Variants in PACSIN1 observed in about 807,000 individuals in gnomAD.
PACSIN1 encodes protein kinase C and casein kinase substrate in neurons protein 1.
Under a neutral mutation model 59.5 loss-of-function variants are expected in PACSIN1, and 15 were observed. That is an observed-to-expected ratio of 0.25 (90% CI 0.17 to 0.39). PACSIN1 has a LOEUF of 0.39. Ranked by LOEUF, PACSIN1 falls within the 10% of genes least tolerant of loss-of-function variation. The pLI is 1.00. For missense variants in PACSIN1, 420 were observed against 580.2 expected, an observed-to-expected ratio of 0.72 and a Z score of 2.84; for synonymous variants, 210 against 220.6, an observed-to-expected ratio of 0.95 and a Z score of 0.42.
At chr6:34,528,998 C>T (rs1767539720) in intron 4 of PACSIN1, 121 bp downstream of exon 4, 1 of 751,056 alleles carries the variant, frequency 1.3e-6, no homozygotes, top group African/African-American at 1.7e-5. Flanking sequence ...ATTGTGCCCA[C>T]AGGGGAGCAG....
chr6:34,496,107 A>C (rs1441044905), intron 1 of PACSIN1, among the ~76,000 whole-genome samples: 2 of 152,194 alleles, frequency 1.3e-5, no homozygotes, highest in Non-Finnish European at 2.9e-5. Context: ...GATGCAGGTG[A>C]TTGTGCCATA....
At chr6:34,508,153 G>C (rs1384563615) in intron 1 of PACSIN1, among the ~76,000 whole-genome samples, 2 of 151,832 alleles carry the variant, frequency 1.3e-5, no homozygotes, top group African/African-American at 4.9e-5. Flanking sequence ...GCCCCAGCTG[G>C]AGTCCAATGG....
intron 1 of PACSIN1, among the ~76,000 whole-genome samples, chr6:34,498,352 GC>G (rs1197606345): frequency 2.0e-5 from 3 of 152,070 alleles, no homozygotes; most frequent in Admixed American, 1.3e-4. Flanking sequence ...GAGCCACCGC[GC>G]CCGGCCCTTT....
intron 1 of PACSIN1, among the ~76,000 whole-genome samples, chr6:34,499,391 T>A (rs911476227): frequency 6.6e-6 from 1 of 151,128 alleles, no homozygotes; most frequent in Non-Finnish European, 1.5e-5. Flanking sequence ...CCAGTAGCAA[T>A]CTGTGGCCCA....
chr6:34,531,658 G>A lies in PACSIN1; in HGVS notation c.1096G>A (p.Gly366Arg). ...YATEWSDDES[G>R]NPFGGSETNG... ...CACCGAGTGGTCAGACGACGAGAGT[G>A]GGAACCCCTTTGGGGGCAGTGAGAC... The change falls in exon 9 of 10, where the codon GGG (glycine) becomes AGG (arginine). Residue 366 changes from glycine to arginine, a missense_variant. Coordinates refer to ENST00000244458, the MANE Select transcript of PACSIN1 (RefSeq NM_020804.5). This position sits in a 1 kb window ranked among gnomAD's most constrained non-coding sequence, Gnocchi z 4.4. The A allele has an allele frequency of 6.2e-7, 1 of 1,614,032 alleles. No individual in the cohort carries two copies.
At chr6:34,492,419 T>C (rs1766891603) in intron 1 of PACSIN1, among the ~76,000 whole-genome samples, 1 of 151,912 alleles carries the variant, frequency 6.6e-6, no homozygotes, top group African/African-American at 2.4e-5. Flanking sequence ...GTTTCGCTCT[T>C]GTTGCCCAGG....
rs763994648 is a variant in PACSIN1 at position 34,521,594 on chromosome 6, AC to A, written c.-63-4643del. 6.6e-6 allele frequency among the ~76,000 whole-genome samples: 1 copy of A among 151,972 alleles called. No homozygotes were observed. The highest frequency in any genetic ancestry group is 2.4e-5 in the African/African-American group (1 of 41,372). ...GGGTGAGCTGGCTCCAGAGCCCTGC[AC>A]CCCCCAGTCTGCACTTCACAGGCTG... On this transcript the variant is annotated intron_variant, in intron 1 of 9. Transcript: ENST00000244458. The surrounding 1 kb of genome is among the most constrained non-coding windows in gnomAD (Gnocchi z 4.3).
intron 1 of PACSIN1, among the ~76,000 whole-genome samples, chr6:34,481,708 T>C (rs894573150): frequency 6.6e-6 from 1 of 151,970 alleles, no homozygotes; most frequent in Non-Finnish European, 1.5e-5. Context: ...CCTTGCTTTC[T>C]GGTGTGAAGA....
chr6:34,497,234 C>T (rs1204383344), intron 1 of PACSIN1, among the ~76,000 whole-genome samples: 1 of 151,960 alleles, frequency 6.6e-6, no homozygotes, highest in Admixed American at 6.6e-5. Flanking sequence ...ACCGGCTGAG[C>T]CCCGCGCCCA....
intron 1 of PACSIN1, among the ~76,000 whole-genome samples, chr6:34,475,402 A>G (rs967851224): frequency 1.3e-4 from 20 of 152,366 alleles, no homozygotes; most frequent in African/African-American, 4.6e-4. Context: ...AGCAGAGCTG[A>G]GACAAGGATT....
intron 1 of PACSIN1, among the ~76,000 whole-genome samples, chr6:34,482,846 G>A (rs1332865885): frequency 6.6e-6 from 1 of 151,618 alleles, no homozygotes; most frequent in Non-Finnish European, 1.5e-5. Context: ...GCCACACCCA[G>A]CTAATTTTTG....
chr6:34,505,861 G>A (rs1409616959), intron 1 of PACSIN1, among the ~76,000 whole-genome samples: 2 of 151,270 alleles, frequency 1.3e-5, no homozygotes, highest in Admixed American at 6.6e-5. Flanking sequence ...CGAACTCCTG[G>A]CCTCAAGTGA....
intron 1 of PACSIN1, among the ~76,000 whole-genome samples, chr6:34,520,917 T>C (rs951313388): frequency 6.6e-6 from 1 of 152,210 alleles, no homozygotes; most frequent in Non-Finnish European, 1.5e-5. Context: ...ATCGTCAACA[T>C]TGGCTGGGCG....
At chr6:34,503,274 A>AG (rs1303233209) in intron 1 of PACSIN1, among the ~76,000 whole-genome samples, 3 of 150,646 alleles carry the variant, frequency 2.0e-5, no homozygotes, top group African/African-American at 7.4e-5. Flanking sequence ...GTCAAAAAAA[A>AG]AAAAAAGAAA....
chr6:34,486,665 A>AC (rs1422893333), intron 1 of PACSIN1, among the ~76,000 whole-genome samples: 2 of 151,102 alleles, frequency 1.3e-5, no homozygotes, highest in African/African-American at 4.8e-5. Flanking sequence ...CTCTGTTCCC[A>AC]CCCCTACTCC....
chr6:34,498,650 A>AT (rs1766981207), intron 1 of PACSIN1, among the ~76,000 whole-genome samples: 2 of 151,952 alleles, frequency 1.3e-5, no homozygotes, highest in Admixed American at 6.6e-5. Flanking sequence ...ACACAAAAAA[A>AT]TTAGGCATGG....
At chr6:34,526,725 A>T (rs373175171) in intron 2 of PACSIN1, among the ~76,000 whole-genome samples, 2 of 152,138 alleles carry the variant, frequency 1.3e-5, no homozygotes, top group South Asian at 2.1e-4. Context: ...GCAGGGGTGG[A>T]GCGCCGGACA....
At chr6:34,486,565 C>G (rs1350535361) in intron 1 of PACSIN1, among the ~76,000 whole-genome samples, 1 of 152,150 alleles carries the variant, frequency 6.6e-6, no homozygotes, top group Non-Finnish European at 1.5e-5. Flanking sequence ...AAAGTGATGT[C>G]CCAAGGCCAG....
At position 34,531,482 on chromosome 6, in the gene PACSIN1, C is replaced by G; in HGVS notation, c.1038-118C>G. 3.9e-6 allele frequency: 4 copies of G among 1,025,054 alleles called. No homozygotes were observed. Among genetic ancestry groups the G allele is most frequent in the Middle Eastern group, 2.3e-4 (1 of 4,320 alleles). 63.5% of individuals were successfully genotyped at this position (1,025,054 alleles called of 1,614,324 possible). A position where few individuals can be genotyped will look rare whatever the true frequency, so the allele number is the denominator to read the frequency against. ...ATGAGGGTCACCCCTCCTATGTGGC[C>G]AATCCTTGCTCTAGCCTTGGTAGAA... On this transcript the variant is annotated intron_variant, in intron 8 of 9. Coordinates refer to ENST00000244458, the MANE Select transcript of PACSIN1 (RefSeq NM_020804.5). This position sits in a 1 kb window ranked among gnomAD's most constrained non-coding sequence, Gnocchi z 4.4.
Sources: gnomAD v4.1 joint callset for allele counts (sites outside exome capture counted in the v4.1 genomes callset) on GRCh38, gnomAD v4.1.1 for gene constraint, Gnocchi (gnomAD v3.1) non-coding constraint, MANE v1.5 for transcripts, NCBI Gene and HGNC (gene_info 2026-07-23, HGNC 2026-07-21) for gene names.